Variants in EDEM3 observed in about 807,000 individuals in gnomAD.
The protein encoded by EDEM3 is ER degradation enhancing alpha-mannosidase like protein 3, also known as ER degradation-enhancing alpha-mannosidase-like protein 3.
In EDEM3, 60 loss-of-function variants were observed where a neutral mutation model predicts 110.2. The observed-to-expected ratio is 0.54, with a 90% confidence interval of 0.44 to 0.67. EDEM3 has a LOEUF of 0.67. Ranked by LOEUF, EDEM3 falls within the 30% of genes least tolerant of loss-of-function variation. The pLI is 0.00. For synonymous variants in EDEM3, 352 were observed against 382.9 expected, an observed-to-expected ratio of 0.92 and a Z score of 0.94; for missense variants, 996 against 1,121.0, an observed-to-expected ratio of 0.89 and a Z score of 1.59.
intron 2 of EDEM3, among the ~76,000 whole-genome samples, chr1:184,741,196 G>A (rs1488406629): frequency 6.6e-6 from 1 of 152,040 alleles, no homozygotes; most frequent in East Asian, 1.9e-4. Context: ...TCAGGAGTTC[G>A]AGACTAGCCT....
chr1:184,736,189 AT>A (rs1203478726), intron 4 of EDEM3, among the ~76,000 whole-genome samples: 2 of 151,798 alleles, frequency 1.3e-5, no homozygotes, highest in Non-Finnish European at 1.5e-5. Context: ...AGGAGGACCT[AT>A]TTTTTTTAAA....
At chr1:184,753,896 C>G (rs1652928565) in intron 1 of EDEM3, among the ~76,000 whole-genome samples, 1 of 152,140 alleles carries the variant, frequency 6.6e-6, no homozygotes, top group South Asian at 2.1e-4. Context: ...AACACACTTC[C>G]AAGACGGATA....
Position 184,734,585 on chromosome 1 carries a change from T to C in EDEM3, c.404A>G (p.Asn135Ser). 6.4e-7 allele frequency: 1 copy of C among 1,557,094 alleles called. No individual in the cohort carries two copies. Among genetic ancestry groups the C allele is most frequent in the Admixed American group, 1.8e-5 (1 of 54,234 alleles). ...TGATACGACTACATCGTTATCTAAA[T>C]TAACATCTCTTAAAACTTTTCTCAC... ...DAVRKVLRDV[N>S]LDNDVVVSVF... The change falls in exon 5 of 20, where the codon AAT (asparagine) becomes AGT (serine). Residue 135 changes from asparagine (N) to serine (S), a missense_variant. This residue lies in a region of EDEM3 where 200 missense variants were observed against 183.8 expected (regional missense o/e 1.09). Coordinates refer to ENST00000318130, the MANE Select transcript of EDEM3 (RefSeq NM_025191.4).
At chr1:184,744,698 T>C (rs942443059) in intron 2 of EDEM3, among the ~76,000 whole-genome samples, 2 of 152,068 alleles carry the variant, frequency 1.3e-5, no homozygotes, top group Non-Finnish European at 2.9e-5. Context: ...AAAGAAATTA[T>C]GTTCAATCAA....
intron 17 of EDEM3, 123 bp downstream of exon 17, chr1:184,708,030 G>C (rs925236084): frequency 2.3e-6 from 2 of 867,868 alleles, no homozygotes; most frequent in Non-Finnish European, 3.3e-6. Flanking sequence ...TTAAATCCAG[G>C]AGATTGACTA....
chr1:184,705,532 G>A (rs1014478052), intron 18 of EDEM3, among the ~76,000 whole-genome samples: 2 of 152,152 alleles, frequency 1.3e-5, no homozygotes, highest in African/African-American at 2.4e-5. Flanking sequence ...GCTGGATTTG[G>A]CCTATAGTCT....
At chr1:184,739,754 C>G (rs1478508161) in intron 2 of EDEM3, among the ~76,000 whole-genome samples, 1 of 152,088 alleles carries the variant, frequency 6.6e-6, no homozygotes, top group Non-Finnish European at 1.5e-5. Flanking sequence ...TCCTTCCCTA[C>G]CCACTACAAA....
chr1:184,692,474 G>C lies in EDEM3; in HGVS notation c.*1589C>G, dbSNP rs1558035662. 6.6e-6 allele frequency: 1 copy of C among 152,010 alleles called. No individual in the cohort carries two copies. The highest frequency in any genetic ancestry group is 1.5e-5 in the Non-Finnish European group (1 of 67,944). The allele number at this position is 152,010 out of a possible 1,614,324, so 9.4% of individuals were successfully genotyped here. The stretch of plus-strand genomic sequence containing the variant: ...CTCAGAAAAGAATATGTTTACCTGG[G>C]ATCTAAACATACTGTACACGAATAT... On this transcript the variant is annotated 3_prime_UTR_variant, in exon 20 of 20. Transcript: ENST00000318130.
At chr1:184,737,133 C>G (rs968596319) in intron 3 of EDEM3, 69 bp from the exon 4 acceptor site, 9 of 1,300,652 alleles carry the variant, frequency 6.9e-6, no homozygotes, top group Non-Finnish European at 1.0e-5. Context: ...TACAAGTAGA[C>G]TTATCTACAT....
intron 2 of EDEM3, among the ~76,000 whole-genome samples, chr1:184,738,606 G>A (rs927612812): frequency 7.4e-5 from 11 of 148,380 alleles, no homozygotes; most frequent in African/African-American, 2.7e-4. Flanking sequence ...ACAAATTGAG[G>A]ACACCAATCT....
Position 184,721,359 on chromosome 1 carries a change from G to C in EDEM3, c.881C>G (p.Ser294Ter), listed in dbSNP as rs1650889997. The C allele has an allele frequency of 6.2e-7, 1 of 1,604,940 alleles. No individual in the cohort carries two copies. Among genetic ancestry groups the C allele is most frequent in the Non-Finnish European group, 8.5e-7 (1 of 1,176,998 alleles). The change falls in exon 9 of 20, where the codon TCA (serine) becomes TGA (stop). Residue 294 changes from serine to a stop codon, truncating the protein, a stop_gained. Transcript: ENST00000318130. LOFTEE classifies it high-confidence loss of function. ...KDSGVGAGID[S>*]YYEYLLKAYV... is the part of the protein sequence containing the mutation. ...GGCTTTCAACAGATATTCATAATAT[G>C]AATCAATCCCTGCTCCAACTCCACT...
intron 1 of EDEM3, among the ~76,000 whole-genome samples, chr1:184,753,817 T>C (rs1325432770): frequency 2.6e-5 from 4 of 152,234 alleles, no homozygotes; most frequent in Admixed American, 2.6e-4. Context: ...CGCTTTTTTC[T>C]TATTCATGTG....
At chr1:184,727,137 C>T (rs571756911) in intron 6 of EDEM3, among the ~76,000 whole-genome samples, 2 of 152,256 alleles carry the variant, frequency 1.3e-5, no homozygotes, top group South Asian at 2.1e-4. Flanking sequence ...ACTAAAAATA[C>T]AAAAATCAGC....
At chr1:184,701,373 G>T (rs569978633) in intron 19 of EDEM3, 1 of 352,266 alleles carries the variant, frequency 2.8e-6, no homozygotes, top group South Asian at 4.3e-5. Context: ...ATCTAATTAC[G>T]TTACACAAGA....
chr1:184,694,941 T>A (rs2102051397), intron 19 of EDEM3, among the ~76,000 whole-genome samples: 1 of 152,140 alleles, frequency 6.6e-6, no homozygotes, highest in Non-Finnish European at 1.5e-5. Context: ...ACTCAGTAAG[T>A]CATAAAGAAG....
In EDEM3 at chr1:184,736,881, T is replaced by G. The variant is rs1327771892; in HGVS notation, c.345+144A>C. 6.2e-6 allele frequency: 4 copies of G among 642,094 alleles called. No individual in the cohort carries two copies. The East Asian group carries it at 1.1e-4, about 18-fold the overall frequency. The allele number at this position is 642,094 out of a possible 1,614,324, so 39.8% of individuals were successfully genotyped here. A position where few individuals can be genotyped will look rare whatever the true frequency, so the allele number is the denominator to read the frequency against. On this transcript the variant is annotated intron_variant, in intron 4 of 19. Transcript: ENST00000318130. Reference sequence around the variant, plus strand: ...CCATTTGACATCATCAACTCAACAGTGTAAAAGATTTATTTAGAAGCAAAG... The same window carrying G: ...CCATTTGACATCATCAACTCAACAGGGTAAAAGATTTATTTAGAAGCAAAG...
At chr1:184,727,495 A>G (rs1185702162) in intron 6 of EDEM3, among the ~76,000 whole-genome samples, 1 of 152,214 alleles carries the variant, frequency 6.6e-6, no homozygotes, top group Non-Finnish European at 1.5e-5. Flanking sequence ...CTCTATATAA[A>G]GAGAAGCTCA....
Position 184,692,894 on chromosome 1 carries a change from T to C in EDEM3, c.*1169A>G, listed in dbSNP as rs915184873. On this transcript the variant is annotated 3_prime_UTR_variant, in exon 20 of 20. Transcript: ENST00000318130. Reference sequence around the variant, plus strand: ...AGGTCACCATACACTAATTTTCAAGTCCGTATCAGAAGGAATATCTGTTAA... The same window carrying C: ...AGGTCACCATACACTAATTTTCAAGCCCGTATCAGAAGGAATATCTGTTAA... 4.0e-5 allele frequency: 6 copies of C among 151,592 alleles called. No individual in the cohort carries two copies. Among genetic ancestry groups the C allele is most frequent in the African/African-American group, 1.5e-4 (6 of 41,176 alleles). 9.4% of individuals were successfully genotyped at this position (151,592 alleles called of 1,614,324 possible). A position where few individuals can be genotyped will look rare whatever the true frequency, so the allele number is the denominator to read the frequency against.
At chr1:184,694,603 G>A (rs1649235191) in intron 19 of EDEM3, 131 bp from the exon 20 acceptor site, 1 of 854,500 alleles carries the variant, frequency 1.2e-6, no homozygotes, top group Non-Finnish European at 1.7e-6. Context: ...GCAGAAAGGT[G>A]AGCATCAGCA....
Sources: gnomAD v4.1 joint callset for allele counts (sites outside exome capture counted in the v4.1 genomes callset) on GRCh38, gnomAD v4.1.1 for gene constraint, gnomAD v4.1.1 regional missense constraint, MANE v1.5 for transcripts, NCBI Gene and HGNC (gene_info 2026-07-23, HGNC 2026-07-21) for gene names.